Variants in SMPX observed in about 807,000 individuals in gnomAD.
SMPX encodes small muscle protein X-linked.
A neutral mutation model predicts 6.3 loss-of-function variants in SMPX; 2 were observed. The ratio of observed to expected loss-of-function variants is 0.32; its 90% CI spans 0.13 to 0.99. The LOEUF (loss-of-function observed/expected upper bound fraction) is 0.99, where lower values mean the gene tolerates loss of function less well. Ranked by LOEUF, SMPX falls within the 50% of genes least tolerant of loss-of-function variation. The pLI, the probability that SMPX is intolerant of heterozygous loss-of-function variation, is 0.49. For synonymous variants in SMPX, 32 were observed against 24.7 expected (o/e 1.30, Z -0.88); for missense variants, 60 against 66.8 (o/e 0.90, Z 0.36).
At chrX:21,742,780 T>C (rs1455465982) in intron 3 of SMPX, among the ~76,000 whole-genome samples, 1 of 112,438 alleles carries the variant, frequency 8.9e-6, no homozygotes, top group Non-Finnish European at 1.9e-5. Context: ...CAAAGTTGTA[T>C]TAGGAACCTT....
chrX:21,744,600 C>T (rs1026955181), intron 2 of SMPX, among the ~76,000 whole-genome samples: 2 of 111,717 alleles, frequency 1.8e-5, no homozygotes, highest in East Asian at 2.8e-4. Flanking sequence ...TGAATTTTGC[C>T]CATACTTATT....
At position 21,737,159 on chromosome X, in the gene SMPX, A is replaced by G. The variant is rs1012867245; in HGVS notation, c.*14+390T>C. Among the ~76,000 whole-genome samples the G allele has an allele frequency of 4.5e-5, 5 of 111,208 alleles. No individual in the cohort carries two copies. In the Admixed American group the frequency reaches 4.8e-4, roughly 11 times the overall value. On this transcript the variant is annotated intron_variant, in intron 4 of 4. Transcript: ENST00000379494. The stretch of plus-strand genomic sequence containing the variant: ...CAGTTCCTTGATCCTCTGATCCTCT[A>G]GCTCATGAATAGTTTGTTGCTTTTT...
chrX:21,728,349 T>TCCATGCAATGTTTTGC (rs1253987117), intron 4 of SMPX, among the ~76,000 whole-genome samples: 8 of 109,521 alleles, frequency 7.3e-5, no homozygotes, highest in Non-Finnish European at 1.5e-4. Flanking sequence ...TATTTGTGCT[T>TCCATGCAATGTTTTGC]CCATGCAATG....
At chrX:21,719,524 AAAG>A (rs1232060742) in intron 4 of SMPX, among the ~76,000 whole-genome samples, 16 of 108,491 alleles carry the variant, frequency 1.5e-4, no homozygotes, top group African/African-American at 5.2e-4. Flanking sequence ...TCAAAAAAAA[AAAG>A]AAGAAGAAGA....
intron 4 of SMPX, among the ~76,000 whole-genome samples, chrX:21,724,133 T>C (rs921033950): frequency 8.9e-6 from 1 of 112,200 alleles, no homozygotes; most frequent in Non-Finnish European, 1.9e-5. Flanking sequence ...CAGTAAACTT[T>C]GTATGTGACC....
rs1259050154 is a variant in SMPX, at chrX:21,711,061, T to C, written c.*15-4667A>G. On this transcript the variant is annotated intron_variant, in intron 4 of 4. Transcript: ENST00000379494. Reference sequence around the variant, plus strand: ...CTGGAAACAGGAATGCACTGATGGATAACGTCAGATATAGTCCATCCCAGA... The same window carrying C: ...CTGGAAACAGGAATGCACTGATGGACAACGTCAGATATAGTCCATCCCAGA... Among the ~76,000 whole-genome samples the C allele has an allele frequency of 3.6e-5, 4 of 111,698 alleles. No individual in the cohort carries two copies. The East Asian group carries it at 1.1e-3, about 31-fold the overall frequency.
At chrX:21,738,230 A>T (rs1316384636) in intron 3 of SMPX, among the ~76,000 whole-genome samples, 1 of 111,775 alleles carries the variant, frequency 8.9e-6, no homozygotes, top group Non-Finnish European at 1.9e-5. Flanking sequence ...ATTGAATGTT[A>T]TATTTTTGTT....
chrX:21,709,643 A>C (rs1414377081), intron 4 of SMPX, among the ~76,000 whole-genome samples: 3 of 112,025 alleles, frequency 2.7e-5, no homozygotes, highest in Non-Finnish European at 5.6e-5. Flanking sequence ...TCATAGATGC[A>C]GAAATCCAGG....
rs2092830409 is a variant in SMPX at position 21,754,261 on chromosome X, A to G, written c.30T>C (p.Asn10=). Reference sequence around the variant, plus strand: ...GGCTACTTACCTGGATGGCTCTAACATTGGAAACTGGCTGTTTCGACATAT... The same window carrying G: ...GGCTACTTACCTGGATGGCTCTAACGTTGGAAACTGGCTGTTTCGACATAT... The part of the protein sequence containing the change: MNMSKQPVS[N]VRAIQANINI... Residue 10 remains asparagine (N), a synonymous_variant, in exon 2 of 5, where the codon AAT becomes AAC. Transcript: ENST00000379494. 1.7e-6 allele frequency: 2 copies of G among 1,210,645 alleles called. No individual in the cohort carries two copies. The highest frequency in any genetic ancestry group is 1.1e-6 in the Non-Finnish European group (1 of 894,231).
intron 4 of SMPX, among the ~76,000 whole-genome samples, chrX:21,733,925 T>C (rs1286493111): frequency 9.0e-6 from 1 of 111,647 alleles, no homozygotes; most frequent in Non-Finnish European, 1.9e-5. Context: ...TCTGAGCCTC[T>C]GTTTAAACCA....
intron 3 of SMPX, among the ~76,000 whole-genome samples, chrX:21,738,537 G>A (rs1201684098): frequency 9.0e-6 from 1 of 110,702 alleles, no homozygotes; most frequent in Non-Finnish European, 1.9e-5. Flanking sequence ...GTGTAGGGGA[G>A]GATATGTTCT....
rs140889843 is a variant in SMPX at position 21,740,637 on chromosome X, C to G, written c.133-2940G>C. The stretch of plus-strand genomic sequence containing the variant: ...CTTAATAATAATGGCACACTGTTAA[C>G]TGTTCTAAGTTACATGTACTAACTC... On this transcript the variant is annotated intron_variant, in intron 3 of 4. Transcript: ENST00000379494. Among the ~76,000 whole-genome samples, 1,092 of 112,235 alleles carry G rather than the reference C, an allele frequency of 9.7e-3. 9 individuals carry two copies. The highest frequency in any genetic ancestry group is 0.034 in the African/African-American group (1,041 of 30,841).
chrX:21,743,996 A>G (rs1250223939), intron 2 of SMPX, among the ~76,000 whole-genome samples, 160 bp from the exon 3 acceptor site: 5 of 112,397 alleles, frequency 4.4e-5, no homozygotes, highest in Non-Finnish European at 7.5e-5. Flanking sequence ...AAAATATGCA[A>G]AGGAAAATTT....
At chrX:21,741,713 T>C (rs2092816251) in intron 3 of SMPX, among the ~76,000 whole-genome samples, 1 of 110,579 alleles carries the variant, frequency 9.0e-6, no homozygotes, top group Non-Finnish European at 1.9e-5. Context: ...ATGAGCTCTA[T>C]GAGAAAGGTA....
chrX:21,749,811 T>C (rs2092825547), intron 2 of SMPX, among the ~76,000 whole-genome samples: 1 of 112,046 alleles, frequency 8.9e-6, no homozygotes, highest in Non-Finnish European at 1.9e-5. Context: ...ACTTACAAGC[T>C]GGACAGAGAC....
intron 4 of SMPX, among the ~76,000 whole-genome samples, chrX:21,708,177 G>A (rs2092774948): frequency 8.9e-6 from 1 of 112,460 alleles, no homozygotes; most frequent in Admixed American, 9.4e-5. Context: ...AATGGCTGGA[G>A]AAAGAAAACT....
chrX:21,719,540 A>AAAAGAAAGAAAGAAAGAAAGAAAG (rs377515861), intron 4 of SMPX, among the ~76,000 whole-genome samples: 5 of 108,842 alleles, frequency 4.6e-5, no homozygotes, highest in African/African-American at 1.7e-4. Context: ...GAAGAAGAAG[A>AAAAGAAAGAAAGAAAGAAAGAAAG]AAAGAAAGAA....
intron 1 of SMPX, among the ~76,000 whole-genome samples, chrX:21,757,165 C>T (rs1161921649): frequency 8.9e-6 from 1 of 111,896 alleles, no homozygotes; most frequent in Non-Finnish European, 1.9e-5. Context: ...TTTTAAAGGT[C>T]GAATAAGTGG....
chrX:21,738,136 T>C (rs1351241432), intron 3 of SMPX, among the ~76,000 whole-genome samples: 1 of 112,271 alleles, frequency 8.9e-6, no homozygotes, highest in Non-Finnish European at 1.9e-5. Context: ...AAGCAAAACC[T>C]GTTTGAATAT....
Sources: allele counts gnomAD v4.1 joint callset (sites outside exome capture counted in the v4.1 genomes callset), GRCh38; gene constraint gnomAD v4.1.1; transcripts MANE v1.5; gene names NCBI Gene and HGNC (gene_info 2026-07-23, HGNC 2026-07-21).